EFHC2: variants seen among roughly 807,000 people sequenced by gnomAD.
The protein encoded by EFHC2 is EF-hand domain-containing family member C2.
Under a neutral mutation model 52.7 loss-of-function variants are expected in EFHC2, and 18 were observed. The observed-to-expected ratio is 0.34, with a 90% CI of 0.24 to 0.51. The LOEUF is 0.51. Among genes scored for constraint, EFHC2 ranks in the 20% least tolerant of loss-of-function variants. The pLI is 0.97. For missense variants in EFHC2, 513 were observed against 562.5 expected, an observed-to-expected ratio of 0.91 and a Z score of 0.89; for synonymous variants, 203 against 204.1, an observed-to-expected ratio of 0.99 and a Z score of 0.04.
chrX:44,314,187 A>G (rs1457351287), intron 1 of EFHC2, among the ~76,000 whole-genome samples: 1 of 112,067 alleles, frequency 8.9e-6, no homozygotes, highest in African/African-American at 3.2e-5. Flanking sequence ...CCTGCATAAA[A>G]AATAAATACC....
At chrX:44,219,226 G>T (rs2037176157) in intron 11 of EFHC2, among the ~76,000 whole-genome samples, 1 of 109,082 alleles carries the variant, frequency 9.2e-6, no homozygotes, top group Admixed American at 9.8e-5. Flanking sequence ...ATGTGCACAG[G>T]AATTGACTAG....
At chrX:44,337,255 G>T (rs1187328989) in intron 1 of EFHC2, among the ~76,000 whole-genome samples, 1 of 110,450 alleles carries the variant, frequency 9.1e-6, no homozygotes, top group Admixed American at 9.7e-5. Context: ...TCTGTTTTGG[G>T]TTTTTTTTCC....
chrX:44,210,068 G>A (rs2037083435), intron 11 of EFHC2, among the ~76,000 whole-genome samples: 1 of 110,417 alleles, frequency 9.1e-6, no homozygotes, highest in South Asian at 3.9e-4. Context: ...AATGTAATGT[G>A]TTTGAATCAT....
At chrX:44,333,782 A>G (rs1025182541) in intron 1 of EFHC2, among the ~76,000 whole-genome samples, 1 of 111,065 alleles carries the variant, frequency 9.0e-6, no homozygotes, top group Non-Finnish European at 1.9e-5. Context: ...CAATTTTAGC[A>G]AATAAGATGG....
At chrX:44,236,871 A>G (rs925539453) in intron 8 of EFHC2, among the ~76,000 whole-genome samples, 1 of 112,115 alleles carries the variant, frequency 8.9e-6, no homozygotes, top group Non-Finnish European at 1.9e-5. Context: ...CAAGAAAGCC[A>G]TAACATTTCA....
chrX:44,174,411 G>A (rs913322699), intron 13 of EFHC2, among the ~76,000 whole-genome samples: 1 of 110,535 alleles, frequency 9.0e-6, no homozygotes, highest in Admixed American at 9.7e-5. Context: ...TGAATGAATC[G>A]AAGTTCAAGT....
At chrX:44,270,907 G>C (rs187741492) in intron 3 of EFHC2, among the ~76,000 whole-genome samples, 1 of 111,063 alleles carries the variant, frequency 9.0e-6, no homozygotes, top group East Asian at 2.8e-4. Context: ...TTGAACCTCA[G>C]TTCTGGTCTC....
At chrX:44,250,825 GAA>G (rs752731813) in intron 4 of EFHC2, among the ~76,000 whole-genome samples, 31 of 46,966 alleles carry the variant, frequency 6.6e-4, no homozygotes, top group African/African-American at 1.6e-3. Flanking sequence ...ACTCCATTTC[GAA>G]AAAAAAAAAA....
chrX:44,276,025 C>A (rs1050849752), intron 2 of EFHC2, among the ~76,000 whole-genome samples: 1 of 111,158 alleles, frequency 9.0e-6, no homozygotes, highest in Non-Finnish European at 1.9e-5. Context: ...GATCTTCAGT[C>A]CTCCACAGGC....
rs1464594385 is a variant in EFHC2, at chrX:44,341,790, T to C, written c.42+1757A>G. ...TTGATATTCATTTTGTGATCATCCA[T>C]TGTGCATCTTTCTGTATATGTGTTG... is the stretch of plus-strand genomic sequence containing the variant. On this transcript the variant is annotated intron_variant, in intron 1 of 14. Transcript: ENST00000420999. Among the ~76,000 whole-genome samples, 5 of 112,782 alleles carry C rather than the reference T, an allele frequency of 4.4e-5. No individual in the cohort carries two copies. The East Asian group carries it at 1.1e-3, about 25-fold the overall frequency.
intron 13 of EFHC2, among the ~76,000 whole-genome samples, chrX:44,165,275 T>C (rs2036687937): frequency 8.9e-6 from 1 of 111,864 alleles, no homozygotes; most frequent in African/African-American, 3.2e-5. Context: ...TCACATAGCC[T>C]CATCAATCTA....
intron 11 of EFHC2, among the ~76,000 whole-genome samples, chrX:44,213,283 A>T (rs752383939): frequency 9.0e-6 from 1 of 111,275 alleles, no homozygotes; most frequent in African/African-American, 3.3e-5. Context: ...GAAAAACTCA[A>T]AAAGAAATGC....
chrX:44,270,303 A>G (rs989490888), intron 3 of EFHC2, among the ~76,000 whole-genome samples: 5 of 111,585 alleles, frequency 4.5e-5, no homozygotes, highest in African/African-American at 1.6e-4. Context: ...CCTCAATCTC[A>G]TGAGCATTGA....
chrX:44,317,047 C>T (rs1425153283), intron 1 of EFHC2, among the ~76,000 whole-genome samples: 2 of 112,057 alleles, frequency 1.8e-5, no homozygotes, highest in African/African-American at 6.5e-5. Context: ...GAAATGAAAA[C>T]TTAAGACAAA....
chrX:44,203,904 C>A (rs1394219581), intron 11 of EFHC2, among the ~76,000 whole-genome samples: 3 of 110,918 alleles, frequency 2.7e-5, no homozygotes, highest in Non-Finnish European at 5.7e-5. Flanking sequence ...AAGACTTTAG[C>A]ACACCATCAT....
At chrX:44,187,589 C>A (rs1490394833) in intron 11 of EFHC2, among the ~76,000 whole-genome samples, 3 of 111,386 alleles carry the variant, frequency 2.7e-5, no homozygotes, top group Non-Finnish European at 3.8e-5. Flanking sequence ...GAACATTTGA[C>A]CAGCTTAGGC....
At chrX:44,202,098 T>C (rs1277072054) in intron 11 of EFHC2, among the ~76,000 whole-genome samples, 1 of 112,142 alleles carries the variant, frequency 8.9e-6, no homozygotes, top group Non-Finnish European at 1.9e-5. Flanking sequence ...TTATAGTTTA[T>C]ATAATATGGT....
intron 1 of EFHC2, among the ~76,000 whole-genome samples, chrX:44,318,239 C>A (rs1300418150): frequency 8.9e-6 from 1 of 111,934 alleles, no homozygotes; most frequent in East Asian, 2.8e-4. Context: ...TGTGGATGAA[C>A]CTTGAAAACA....
chrX:44,271,908 C>T (rs1057362585), intron 3 of EFHC2, among the ~76,000 whole-genome samples: 2 of 111,981 alleles, frequency 1.8e-5, no homozygotes, highest in African/African-American at 3.2e-5. Context: ...TGGAGTCTCC[C>T]CATTACAGAC....
Sources: gnomAD v4.1 joint callset for allele counts (sites outside exome capture counted in the v4.1 genomes callset) on GRCh38, gnomAD v4.1.1 for gene constraint, MANE v1.5 for transcripts, NCBI Gene and HGNC (gene_info 2026-07-23, HGNC 2026-07-21) for gene names.